Variants in PSMG2 observed in about 807,000 individuals in gnomAD.
PSMG2 encodes proteasome assembly chaperone 2.
PSMG2 carries 21 observed loss-of-function variants against 31.5 expected under a neutral mutation model. The ratio of observed to expected loss-of-function variants is 0.67; its 90% confidence interval spans 0.47 to 0.96. PSMG2 has a LOEUF of 0.96. Ranked by LOEUF, PSMG2 falls within the 40% of genes least tolerant of loss-of-function variation. The pLI is 0.00. For missense variants in PSMG2, 318 were observed against 321.2 expected (o/e 0.99, Z 0.08); for synonymous variants, 120 against 110.4 (o/e 1.09, Z -0.54).
chr18:12,704,112 A>C (rs1368556530), intron 1 of PSMG2, among the ~76,000 whole-genome samples: 1 of 152,200 alleles, frequency 6.6e-6, no homozygotes, highest in Non-Finnish European at 1.5e-5. Flanking sequence ...GGCCATGTCA[A>C]AAGTAGCCCA....
intron 2 of PSMG2, among the ~76,000 whole-genome samples, chr18:12,711,182 G>GA (rs1473768735): frequency 6.6e-6 from 1 of 151,788 alleles, no homozygotes; most frequent in African/African-American, 2.4e-5. Flanking sequence ...TGACACACAA[G>GA]AATCACTTGA....
At chr18:12,690,921 AAT>A (rs1174057803) in intron 1 of PSMG2, among the ~76,000 whole-genome samples, 1 of 151,176 alleles carries the variant, frequency 6.6e-6, no homozygotes, top group Non-Finnish European at 1.5e-5. Context: ...CCTAACAAAA[AAT>A]ATATATATGC....
rs2038692338 is a variant in PSMG2, at chr18:12,661,327, T to C, written c.-37+2554T>C. 3 of 979,546 alleles carry C rather than the reference T, an allele frequency of 3.1e-6. No individual in the cohort carries two copies. In the South Asian group the frequency reaches 1.4e-4, roughly 46 times the overall value. The allele number at this position is 979,546 out of a possible 1,614,324, so 60.7% of individuals were successfully genotyped here. A position where few individuals can be genotyped will look rare whatever the true frequency, so the allele number is the denominator to read the frequency against. On this transcript the variant is annotated intron_variant, in intron 1 of 6. Coordinates refer to the PSMG2 transcript ENST00000585331. ...TCATCTCAAAAAAGAAGAAAAAAAA[T>C]TGATAAGCCTTACCGTCATCCATCA...
chr18:12,698,085 T>C (rs563701660), upstream of PSMG2, among the ~76,000 whole-genome samples: 18 of 152,098 alleles, frequency 1.2e-4, no homozygotes, highest in Non-Finnish European at 2.5e-4. Flanking sequence ...ACATGCTTTA[T>C]TGGAGAAATA....
Position 12,718,302 on chromosome 18 carries a change from C to T in PSMG2, c.289-215C>T, listed in dbSNP as rs546203641. Among the ~76,000 whole-genome samples the T allele has an allele frequency of 2.0e-4, 30 of 152,228 alleles. 2 individuals carry two copies. The South Asian group carries it at 5.4e-3, about 27-fold the overall frequency. ...ACAGGCGTGAGCCACCATGCATGGC[C>T]ATTGATTTCTTAATTATAAAGATAC... On this transcript the variant is annotated intron_variant, in intron 3 of 6. Coordinates refer to ENST00000317615, the MANE Select transcript of PSMG2 (RefSeq NM_020232.5).
intron 1 of PSMG2, among the ~76,000 whole-genome samples, chr18:12,705,320 T>A (rs1452163208): frequency 2.6e-5 from 4 of 152,100 alleles, no homozygotes; most frequent in Non-Finnish European, 4.4e-5. Flanking sequence ...TGCCTCGGCC[T>A]CCCAAAGTGC....
At chr18:12,670,875 C>T (rs1268577776) in intron 1 of PSMG2, 1 of 151,974 alleles carries the variant, frequency 6.6e-6, no homozygotes, top group Non-Finnish European at 1.5e-5. Flanking sequence ...TCTTAAACTC[C>T]TGAACCCAAG....
At chr18:12,702,594 C>T (rs139392977), upstream of PSMG2, 10,548 of 1,578,370 alleles carry the variant, frequency 6.7e-3, 49 homozygotes, top group Middle Eastern at 0.013. Flanking sequence ...CCTCAGATGC[C>T]CTAACTGCGC....
At chr18:12,677,021 C>G (rs577056261) in intron 1 of PSMG2, among the ~76,000 whole-genome samples, 1 of 152,158 alleles carries the variant, frequency 6.6e-6, no homozygotes, top group Non-Finnish European at 1.5e-5. Context: ...CTTTTCCCAC[C>G]CCACAGCTTC....
chr18:12,673,520 A>G, intron 1 of PSMG2: 2 of 1,548,262 alleles, frequency 1.3e-6, no homozygotes, highest in Non-Finnish European at 1.7e-6. Flanking sequence ...AAGAAAAAAA[A>G]AATTATTCAA....
At chr18:12,660,219 T>C (rs1039391663) in intron 1 of PSMG2, among the ~76,000 whole-genome samples, 22 of 151,936 alleles carry the variant, frequency 1.4e-4, no homozygotes, top group African/African-American at 5.3e-4. Flanking sequence ...AAGACAACAA[T>C]ACAGGGAAGG....
intron 1 of PSMG2, chr18:12,661,265 G>A (rs1392474723): frequency 8.0e-6 from 4 of 502,726 alleles, no homozygotes; most frequent in Non-Finnish European, 1.0e-5. Context: ...CCGAGATCAC[G>A]CCATTGCACC....
rs1018431380 is a variant in PSMG2 at position 12,677,430 on chromosome 18, C to T, written c.-37+18657C>T. Among the ~76,000 whole-genome samples, 3 of 134,524 alleles carry T rather than the reference C, an allele frequency of 2.2e-5. No individual in the cohort carries two copies. The Admixed American group carries it at 2.7e-4, about 12-fold the overall frequency. The allele number at this position is 134,524 out of a possible 152,430, so 88.3% of individuals were successfully genotyped here. A position where few individuals can be genotyped will look rare whatever the true frequency, so the allele number is the denominator to read the frequency against. On this transcript the variant is annotated intron_variant, in intron 1 of 6. Transcript: ENST00000585331. ...CAAGATCACGCCACTGCGCTCCAGC[C>T]TGGGTGACAGAGCGAGAGATTCCAT...
chr18:12,724,717 G>T, intron 6 of PSMG2, 98 bp downstream of exon 6: 8 of 1,213,678 alleles, frequency 6.6e-6, no homozygotes, highest in Non-Finnish European at 8.6e-6. Context: ...GTGAACGTTT[G>T]TATTAAATAT....
chr18:12,681,177 AAC>A (rs1160519476), intron 1 of PSMG2, among the ~76,000 whole-genome samples: 5 of 151,394 alleles, frequency 3.3e-5, no homozygotes, highest in Non-Finnish European at 7.4e-5. Flanking sequence ...CAGCCTCAGC[AAC>A]AGAGTAAGAC....
intron 1 of PSMG2, 108 bp downstream of exon 1, chr18:12,703,272 T>TC: frequency 8.2e-7 from 1 of 1,223,092 alleles, no homozygotes. Flanking sequence ...GGCACTAGTT[T>TC]CTATTTCATG....
intron 2 of PSMG2, among the ~76,000 whole-genome samples, chr18:12,709,606 C>CTTGAGGTTCA (rs2040308626): frequency 6.6e-6 from 1 of 151,798 alleles, no homozygotes; most frequent in African/African-American, 2.4e-5. Context: ...TCAAGCAATT[C>CTTGAGGTTCA]TCTTGCCTCA....
chr18:12,695,534 G>T (rs1002284253), intron 1 of PSMG2, among the ~76,000 whole-genome samples: 5 of 151,920 alleles, frequency 3.3e-5, no homozygotes, highest in East Asian at 3.9e-4. Flanking sequence ...TTAAACAAAG[G>T]TGTTTAATTA....
chr18:12,722,722 AAGT>A (rs1351955850), intron 5 of PSMG2, among the ~76,000 whole-genome samples: 2 of 152,246 alleles, frequency 1.3e-5, no homozygotes, highest in African/African-American at 2.4e-5. Context: ...CCAAATAAAA[AAGT>A]AATAATAATA....
Sources: gnomAD v4.1 joint callset for allele counts (sites outside exome capture counted in the v4.1 genomes callset) on GRCh38, gnomAD v4.1.1 for gene constraint, MANE v1.5 for transcripts, NCBI Gene and HGNC (gene_info 2026-07-23, HGNC 2026-07-21) for gene names.